The following AFDN variants were observed in gnomAD, a reference collection of about 807,000 sequenced individuals.
AFDN encodes afadin.
A neutral mutation model predicts 216.6 loss-of-function variants in AFDN; 68 were observed. That is an observed-to-expected ratio of 0.31 (90% CI 0.26 to 0.38). AFDN has a LOEUF of 0.38. Ranked by LOEUF, AFDN falls within the 10% of genes least tolerant of loss-of-function variation. The pLI is 1.00. For synonymous variants in AFDN, 868 were observed against 853.7 expected (o/e 1.02, Z -0.29); for missense variants, 2,136 against 2,342.0 (o/e 0.91, Z 1.82).
At position 167,917,241 on chromosome 6, in the gene AFDN, A is replaced by G; in HGVS notation, c.2709+9A>G. 1 of 1,579,818 alleles carries G rather than the reference A, an allele frequency of 6.3e-7. No individual in the cohort carries two copies. The highest frequency in any genetic ancestry group is 8.6e-7 in the Non-Finnish European group (1 of 1,167,346). The stretch of plus-strand genomic sequence containing the variant: ...AGCCTTTTATCCCAACGGTGAGTGG[A>G]TGTTGCCACATTACCACACAGTGCG... On this transcript the variant is annotated intron_variant, in intron 20 of 33. Transcript: ENST00000683244.
intron 13 of AFDN, among the ~76,000 whole-genome samples, chr6:167,910,676 C>T (rs1790270869): frequency 6.6e-6 from 1 of 152,198 alleles, no homozygotes; most frequent in African/African-American, 2.4e-5. Context: ...AAGTCCAGGT[C>T]TTAGGAAGCT....
chr6:167,881,737 G>A (rs1460833394), intron 6 of AFDN, among the ~76,000 whole-genome samples: 3 of 152,164 alleles, frequency 2.0e-5, no homozygotes, highest in Admixed American at 1.3e-4. Context: ...TGGATTTGGA[G>A]GTAACAGGAG....
chr6:167,963,964 A>G, intron 31 of AFDN: 3 of 1,064,580 alleles, frequency 2.8e-6, no homozygotes, highest in Non-Finnish European at 3.4e-6. Flanking sequence ...CACAGTGCCC[A>G]TTGCTATAGC....
chr6:167,960,361 AG>A (rs1796918721), intron 30 of AFDN, among the ~76,000 whole-genome samples: 1 of 151,644 alleles, frequency 6.6e-6, no homozygotes, highest in Non-Finnish European at 1.5e-5. Flanking sequence ...GTTTTTAAGA[AG>A]AAAATGCCTG....
chr6:167,905,949 C>CA (rs1354167125), intron 12 of AFDN, among the ~76,000 whole-genome samples: 1 of 152,026 alleles, frequency 6.6e-6, no homozygotes, highest in Non-Finnish European at 1.5e-5. Flanking sequence ...GCTAAAAATG[C>CA]AAAAAATTAG....
At position 167,952,161 on chromosome 6, in the gene AFDN, C is replaced by T. The variant is rs1475005866; in HGVS notation, c.4807C>T (p.Arg1603Cys). 6.8e-6 allele frequency: 11 copies of T among 1,614,024 alleles called. No individual in the cohort carries two copies. The highest frequency in any genetic ancestry group is 3.3e-5 in the Admixed American group (2 of 60,000). Residue 1603 changes from arginine (R) to cysteine (C), a missense_variant, in exon 30 of 34, where the codon CGC (arginine) becomes TGC (cysteine). Coordinates refer to ENST00000683244, the MANE Select transcript of AFDN (RefSeq NM_001386888.1). ...DDVDTMLIMQ[R>C]LEAERRARLQ... The stretch of plus-strand genomic sequence containing the variant: ...TGTGGACACCATGCTGATCATGCAG[C>T]GCCTGGAGGCTGAACGAAGAGCGAG...
At chr6:167,885,911 T>G (rs1194004100) in intron 6 of AFDN, among the ~76,000 whole-genome samples, 1 of 152,214 alleles carries the variant, frequency 6.6e-6, no homozygotes, top group African/African-American at 2.4e-5. Context: ...TGTATATGTT[T>G]ACATGAGCAA....
chr6:167,966,207 A>T (rs2128764395), intron 32 of AFDN, 162 bp downstream of exon 32: 1 of 1,532,798 alleles, frequency 6.5e-7, no homozygotes, highest in East Asian at 2.5e-5. Context: ...TACTGCTCAC[A>T]AAAAAGGCCA....
At chr6:167,884,473 G>A (rs1488234052) in intron 6 of AFDN, among the ~76,000 whole-genome samples, 1 of 152,168 alleles carries the variant, frequency 6.6e-6, no homozygotes, top group African/African-American at 2.4e-5. Flanking sequence ...TGTTCCATGG[G>A]CTGCAGAGTG....
At chr6:167,893,589 T>C in intron 8 of AFDN, 1 of 394,786 alleles carries the variant, frequency 2.5e-6, no homozygotes. Flanking sequence ...ATTAACTCAC[T>C]GTTGCTGTCC....
intron 23 of AFDN, among the ~76,000 whole-genome samples, chr6:167,926,343 C>T (rs1016311788): frequency 1.4e-4 from 22 of 152,330 alleles, no homozygotes; most frequent in Non-Finnish European, 2.4e-4. Context: ...GGCTTTGAAC[C>T]GAAGGCTAGA....
chr6:167,915,528 T>G, intron 19 of AFDN, 95 bp downstream of exon 19: 1 of 1,397,244 alleles, frequency 7.2e-7, no homozygotes, highest in Non-Finnish European at 9.6e-7. Flanking sequence ...AAAACCTCAA[T>G]ACCCTCTTTT....
intron 6 of AFDN, among the ~76,000 whole-genome samples, chr6:167,887,207 T>C (rs1392114728): frequency 6.6e-6 from 1 of 152,110 alleles, no homozygotes; most frequent in Non-Finnish European, 1.5e-5. Flanking sequence ...TTTTTACTGA[T>C]GAAAATGAGA....
At chr6:167,903,591 G>T (rs1456823737) in intron 12 of AFDN, among the ~76,000 whole-genome samples, 2 of 152,168 alleles carry the variant, frequency 1.3e-5, no homozygotes, top group Non-Finnish European at 2.9e-5. Flanking sequence ...GAATGCCATG[G>T]TGCCACAAAC....
intron 23 of AFDN, among the ~76,000 whole-genome samples, chr6:167,927,776 A>T (rs1201675211): frequency 6.6e-6 from 1 of 152,182 alleles, no homozygotes; most frequent in East Asian, 1.9e-4. Flanking sequence ...GGTCCTGCTC[A>T]CAGGCCATGT....
At chr6:167,931,418 G>T (rs1386697839) in intron 23 of AFDN, among the ~76,000 whole-genome samples, 1 of 152,096 alleles carries the variant, frequency 6.6e-6, no homozygotes, top group Non-Finnish European at 1.5e-5. Context: ...AGCTCAGAAG[G>T]TTAGAGCTAG....
intron 30 of AFDN, among the ~76,000 whole-genome samples, chr6:167,955,630 A>G (rs547036631): frequency 6.6e-6 from 1 of 152,214 alleles, no homozygotes; most frequent in African/African-American, 2.4e-5. Context: ...TTCTTATACT[A>G]TGAAGAATTC....
intron 1 of AFDN, among the ~76,000 whole-genome samples, chr6:167,852,979 C>G (rs1782484531): frequency 6.6e-6 from 1 of 152,116 alleles, no homozygotes; most frequent in Non-Finnish European, 1.5e-5. Flanking sequence ...TGTACATTTT[C>G]TGACCTAGAC....
chr6:167,928,436 G>T (rs645035), intron 23 of AFDN, among the ~76,000 whole-genome samples: 1 of 152,190 alleles, frequency 6.6e-6, no homozygotes, highest in Non-Finnish European at 1.5e-5. Context: ...GAGGCTGAGG[G>T]ACAAGGTGCC....
Sources: allele counts gnomAD v4.1 joint callset (sites outside exome capture counted in the v4.1 genomes callset), GRCh38; gene constraint gnomAD v4.1.1; transcripts MANE v1.5; gene names NCBI Gene and HGNC (gene_info 2026-07-23, HGNC 2026-07-21).